The following RBFOX1 variants were observed in gnomAD, a reference collection of about 807,000 sequenced individuals.
RBFOX1 encodes the protein RNA binding fox-1 homolog 1.
A neutral mutation model predicts 57.7 loss-of-function variants in RBFOX1; 8 were observed. The ratio of observed to expected loss-of-function variants is 0.14; its 90% CI spans 0.08 to 0.25. The LOEUF is 0.25. Ranked by LOEUF, RBFOX1 falls within the 10% of genes least tolerant of loss-of-function variation. The pLI, the probability that RBFOX1 is intolerant of heterozygous loss-of-function variation, is 1.00. For missense variants in RBFOX1, 611 were observed against 548.5 expected (o/e 1.11, Z -1.14); for synonymous variants, 326 against 222.4 (o/e 1.47, Z -4.15).
intron 3 of RBFOX1, among the ~76,000 whole-genome samples, chr16:7,017,561 T>A (rs1224152452): frequency 6.6e-6 from 1 of 152,122 alleles, no homozygotes; most frequent in Non-Finnish European, 1.5e-5. Context: ...GAGGAAGTGT[T>A]TTATAGACGA....
intron 4 of RBFOX1, among the ~76,000 whole-genome samples, chr16:7,184,755 C>A (rs557391853): frequency 6.6e-6 from 1 of 152,144 alleles, no homozygotes; most frequent in Non-Finnish European, 1.5e-5. Context: ...AGAACTTGAG[C>A]TTTTCAAGTC....
At chr16:7,133,939 A>G (rs998623914) in intron 4 of RBFOX1, among the ~76,000 whole-genome samples, 1 of 152,216 alleles carries the variant, frequency 6.6e-6, no homozygotes, top group Admixed American at 6.5e-5. Context: ...CTGCTACTTA[A>G]TATGTCAGGG....
At chr16:6,473,394 C>A (rs987866315) in intron 2 of RBFOX1, among the ~76,000 whole-genome samples, 6 of 152,080 alleles carry the variant, frequency 3.9e-5, no homozygotes, top group Admixed American at 3.9e-4. Context: ...ACCCTAGCAT[C>A]TTATCGAAGG....
chr16:5,603,667 G>T (rs2047445814), downstream of RBFOX1, among the ~76,000 whole-genome samples: 1 of 152,160 alleles, frequency 6.6e-6, no homozygotes, highest in African/African-American at 2.4e-5. Context: ...GAGGGTCTTT[G>T]CTTAGATGCC....
intron 4 of RBFOX1, among the ~76,000 whole-genome samples, chr16:7,498,667 G>C (rs533581579): frequency 6.6e-6 from 1 of 152,074 alleles, no homozygotes; most frequent in Admixed American, 6.6e-5. Context: ...GAAATCTGGC[G>C]TGCAGTTGCC....
intron 3 of RBFOX1, among the ~76,000 whole-genome samples, chr16:6,699,404 C>G (rs11860674): frequency 0.076 from 11,538 of 151,610 alleles, 472 homozygotes; most frequent in African/African-American, 0.086. Flanking sequence ...TGGTGTCTTT[C>G]AGAGTCCAGA....
At chr16:7,492,285 C>T (rs2151563498) in intron 4 of RBFOX1, among the ~76,000 whole-genome samples, 1 of 152,186 alleles carries the variant, frequency 6.6e-6, no homozygotes, top group African/African-American at 2.4e-5. Context: ...GAATGCTAAG[C>T]AAGTTTTTTG....
chr16:6,536,083 C>G (rs1462226194), intron 2 of RBFOX1, among the ~76,000 whole-genome samples: 2 of 152,160 alleles, frequency 1.3e-5, no homozygotes, highest in Non-Finnish European at 2.9e-5. Context: ...AGAGGTGATA[C>G]AGGAGTATTA....
intron 4 of RBFOX1, among the ~76,000 whole-genome samples, chr16:5,997,750 T>G (rs1212857649): frequency 1.3e-5 from 2 of 152,256 alleles, no homozygotes; most frequent in Non-Finnish European, 2.9e-5. Flanking sequence ...CGTAAAAGTT[T>G]CTGTTAAATC....
rs182649219 is a variant in RBFOX1, at chr16:6,746,907, T to C, written c.-16+92257T>C. 1.9e-4 allele frequency among the ~76,000 whole-genome samples: 29 copies of C among 152,194 alleles called. 1 individual carries two copies. The East Asian group carries it at 5.0e-3, about 26-fold the overall frequency. The stretch of plus-strand genomic sequence containing the variant: ...TAGAAACTCCATCTCCTAGCAGTCT[T>C]CTCAGTATTTTGGGAGACTTCAGCA... On this transcript the variant is annotated intron_variant, in intron 3 of 15. Coordinates refer to ENST00000550418, the MANE Select transcript of RBFOX1 (RefSeq NM_018723.4).
chr16:5,885,658 C>A (rs549371591), intron 4 of RBFOX1, among the ~76,000 whole-genome samples: 2 of 152,178 alleles, frequency 1.3e-5, no homozygotes, highest in Non-Finnish European at 2.9e-5. Flanking sequence ...TTCCGCTATG[C>A]TAATGTTGCC....
intron 4 of RBFOX1, among the ~76,000 whole-genome samples, chr16:7,288,281 T>G (rs901114752): frequency 1.1e-4 from 17 of 152,194 alleles, no homozygotes; most frequent in African/African-American, 4.1e-4. Flanking sequence ...CTTTCAGACA[T>G]TCTACTTGGA....
chr16:5,641,109 TACAC>T (rs369940895), intron 3 of RBFOX1, among the ~76,000 whole-genome samples: 3 of 146,250 alleles, frequency 2.1e-5, no homozygotes, highest in African/African-American at 7.7e-5. Context: ...TACACATGCA[TACAC>T]ACACATGCAT....
chr16:6,444,952 T>G (rs2094455711), intron 2 of RBFOX1, among the ~76,000 whole-genome samples: 1 of 151,864 alleles, frequency 6.6e-6, no homozygotes, highest in Non-Finnish European at 1.5e-5. Flanking sequence ...GAGAATGGAT[T>G]TGAGGGAGAG....
intron 3 of RBFOX1, among the ~76,000 whole-genome samples, chr16:6,916,474 T>C (rs568565808): frequency 6.6e-6 from 1 of 152,074 alleles, no homozygotes; most frequent in South Asian, 2.1e-4. Context: ...ACGAAATAAA[T>C]AGCATTTTAG....
At position 6,676,158 on chromosome 16, in the gene RBFOX1, A is replaced by G. The variant is rs912277678; in HGVS notation, c.-16+21508A>G. Among the ~76,000 whole-genome samples the G allele has an allele frequency of 4.9e-4, 74 of 151,688 alleles. No individual in the cohort carries two copies. In the South Asian group the frequency reaches 0.011, roughly 22 times the overall value. On this transcript the variant is annotated intron_variant, in intron 3 of 15. Transcript: ENST00000550418. ...CACACACGCGCACACACACACACAC[A>G]CACACACACACACACACACACACTT...
chr16:7,100,565 G>GTTTTTT (rs201889492), intron 4 of RBFOX1, among the ~76,000 whole-genome samples: 6 of 118,782 alleles, frequency 5.1e-5, no homozygotes, highest in African/African-American at 1.9e-4. Flanking sequence ...TTTAAAGGTT[G>GTTTTTT]TTTTTTTTTT....
intron 1 of RBFOX1, among the ~76,000 whole-genome samples, chr16:6,187,697 A>C (rs543196790): frequency 6.6e-6 from 1 of 152,274 alleles, no homozygotes; most frequent in East Asian, 1.9e-4. Flanking sequence ...ATTTAGAAGG[A>C]AAAATGCACC....
rs983170329 is a variant in RBFOX1, at chr16:6,483,086, C to A, written c.-64+166029C>A. ...CTCGGAGCTTTGCAAGTGCCTCCGA[C>A]CCGTAGGGGCGGGACCCACGCAGCC... is the stretch of plus-strand genomic sequence containing the variant. On this transcript the variant is annotated intron_variant, in intron 2 of 15. Transcript: ENST00000550418. 3 of 984,312 alleles carry A rather than the reference C, an allele frequency of 3.0e-6. No homozygotes were observed. The East Asian group carries it at 3.3e-4, about 108-fold the overall frequency. The allele number at this position is 984,312 out of a possible 1,614,324, so 61.0% of individuals were successfully genotyped here.
Sources: gnomAD v4.1 joint callset for allele counts (sites outside exome capture counted in the v4.1 genomes callset) on GRCh38, gnomAD v4.1.1 for gene constraint, MANE v1.5 for transcripts, NCBI Gene and HGNC (gene_info 2026-07-23, HGNC 2026-07-21) for gene names.